Variants in OCA2 observed in about 807,000 individuals in gnomAD.
The protein encoded by OCA2 is OCA2 melanosomal transmembrane protein.
In OCA2, 77 loss-of-function variants were observed where a neutral mutation model predicts 100.2. The ratio of observed to expected loss-of-function variants is 0.77; its 90% CI spans 0.64 to 0.93. The LOEUF (loss-of-function observed/expected upper bound fraction) is 0.93. OCA2 is among the 40% of genes least tolerant of loss of function. The pLI is 0.00. For missense variants in OCA2, 1,062 were observed against 1,089.1 expected (o/e 0.98, Z 0.35); for synonymous variants, 432 against 439.2 (o/e 0.98, Z 0.21).
At chr15:28,086,073 C>T (rs1419177011) in intron 1 of OCA2, among the ~76,000 whole-genome samples, 2 of 152,222 alleles carry the variant, frequency 1.3e-5, no homozygotes, top group African/African-American at 4.8e-5. Context: ...TTTGGACATT[C>T]ACCGTTGCTG....
At chr15:28,028,754 C>T (rs2042829787) in intron 3 of OCA2, among the ~76,000 whole-genome samples, 1 of 152,144 alleles carries the variant, frequency 6.6e-6, no homozygotes, top group South Asian at 2.1e-4. Context: ...GGCGCAATTT[C>T]AGCTCACTGC....
rs994222744 is a variant in OCA2, at chr15:27,860,610, G to C, written c.2245-9135C>G. Among the ~76,000 whole-genome samples, 6 of 152,200 alleles carry C rather than the reference G, an allele frequency of 3.9e-5. 1 individual carries two copies. Among genetic ancestry groups the C allele is most frequent in the Admixed American group, 2.6e-4 (4 of 15,278 alleles). ...GATAATAACCACCAGGTCCATCCAT[G>C]TTGCTGCAAGGAACATGATCTCATT... is the stretch of plus-strand genomic sequence containing the variant. On this transcript the variant is annotated intron_variant, in intron 21 of 23. Coordinates refer to ENST00000354638, the MANE Select transcript of OCA2 (RefSeq NM_000275.3).
At chr15:28,018,027 G>GT (rs1299458297) in intron 7 of OCA2, among the ~76,000 whole-genome samples, 1 of 151,640 alleles carries the variant, frequency 6.6e-6, no homozygotes, top group Non-Finnish European at 1.5e-5. Context: ...CACAAACACA[G>GT]TAACCGTGCT....
intron 19 of OCA2, among the ~76,000 whole-genome samples, chr15:27,877,404 C>G (rs2036835539): frequency 6.6e-6 from 1 of 151,668 alleles, no homozygotes; most frequent in South Asian, 2.1e-4. Context: ...TCTAGGTGTT[C>G]TATCAATTTC....
At chr15:27,916,898 T>A (rs1249121653) in intron 19 of OCA2, among the ~76,000 whole-genome samples, 1 of 152,144 alleles carries the variant, frequency 6.6e-6, no homozygotes, top group African/African-American at 2.4e-5. Context: ...GCTGGAGAAC[T>A]CAGGTCCAAA....
intron 15 of OCA2, among the ~76,000 whole-genome samples, chr15:27,964,152 A>C (rs1193170776): frequency 1.3e-5 from 2 of 152,236 alleles, no homozygotes; most frequent in Non-Finnish European, 2.9e-5. Flanking sequence ...ATAAATGTCC[A>C]AATAAACATT....
chr15:28,071,263 CAG>C (rs2044252328), intron 2 of OCA2, among the ~76,000 whole-genome samples: 1 of 151,004 alleles, frequency 6.6e-6, no homozygotes, highest in Non-Finnish European at 1.5e-5. Context: ...TGAAAGAAAT[CAG>C]AGGTGACGCA....
At chr15:27,835,738 C>A (rs1567006988) in intron 23 of OCA2, among the ~76,000 whole-genome samples, 1 of 152,162 alleles carries the variant, frequency 6.6e-6, no homozygotes, top group Non-Finnish European at 1.5e-5. Context: ...TCATCATCAC[C>A]CCCGTCAGTG....
rs1255200335 is a variant in OCA2, at chr15:27,755,196, G to A, written c.*192C>T. 1.3e-5 allele frequency: 8 copies of A among 593,904 alleles called. No individual in the cohort carries two copies. Among genetic ancestry groups the A allele is most frequent in the African/African-American group, 1.1e-4 (6 of 54,466 alleles). The allele number at this position is 593,904 out of a possible 1,614,324, so 36.8% of individuals were successfully genotyped here. Reference sequence around the variant, plus strand: ...TGTCCTTGGGGAGAAAGGACACACAGAGGAGGTCATGGTGTTCCAACATTC... The same window carrying A: ...TGTCCTTGGGGAGAAAGGACACACAAAGGAGGTCATGGTGTTCCAACATTC... On this transcript the variant is annotated 3_prime_UTR_variant, in exon 24 of 24. Coordinates refer to ENST00000354638, the MANE Select transcript of OCA2 (RefSeq NM_000275.3).
chr15:27,776,265 G>T (rs2151068749), intron 23 of OCA2, among the ~76,000 whole-genome samples: 1 of 152,224 alleles, frequency 6.6e-6, no homozygotes, highest in Non-Finnish European at 1.5e-5. Context: ...CTGCCTCTTT[G>T]TCTCAGAAGC....
At chr15:28,098,945 A>AC (rs926728278) in intron 1 of OCA2, among the ~76,000 whole-genome samples, 1 of 151,852 alleles carries the variant, frequency 6.6e-6, no homozygotes, top group Non-Finnish European at 1.5e-5. Context: ...AACTCCCCCC[A>AC]CCCATGACCT....
intron 23 of OCA2, among the ~76,000 whole-genome samples, chr15:27,809,743 C>T (rs369530225): frequency 3.3e-5 from 5 of 152,232 alleles, no homozygotes; most frequent in East Asian, 3.9e-4. Context: ...AGAATCAAAT[C>T]AAGAACTCAA....
chr15:27,835,879 G>A (rs2035131335), intron 23 of OCA2, among the ~76,000 whole-genome samples: 2 of 152,192 alleles, frequency 1.3e-5, no homozygotes, highest in South Asian at 4.1e-4. Flanking sequence ...GTGGGGCATT[G>A]CTTCCTGAAA....
chr15:28,029,944 G>C (rs889227977), intron 3 of OCA2, among the ~76,000 whole-genome samples: 14 of 152,150 alleles, frequency 9.2e-5, no homozygotes, highest in Non-Finnish European at 2.1e-4. Flanking sequence ...GGCCCAGCTC[G>C]GCCTCCCAGG....
intron 21 of OCA2, among the ~76,000 whole-genome samples, chr15:27,870,723 AGAAG>A (rs1427488611): frequency 4.0e-4 from 28 of 70,596 alleles, no homozygotes; most frequent in African/African-American, 8.4e-4. Context: ...AAGGAAGGAA[AGAAG>A]GAAGGAAGGG....
At chr15:27,869,794 T>G (rs967066799) in intron 21 of OCA2, among the ~76,000 whole-genome samples, 4 of 152,150 alleles carry the variant, frequency 2.6e-5, no homozygotes, top group African/African-American at 7.2e-5. Context: ...GAGAACAGGA[T>G]GAATGCACAG....
intron 14 of OCA2, among the ~76,000 whole-genome samples, chr15:27,977,191 T>C (rs558981692): frequency 6.6e-6 from 1 of 152,312 alleles, no homozygotes; most frequent in East Asian, 1.9e-4. Context: ...ATCAATATTA[T>C]TGATCTTGTC....
At chr15:28,089,594 C>T (rs2044838280) in intron 1 of OCA2, among the ~76,000 whole-genome samples, 1 of 152,168 alleles carries the variant, frequency 6.6e-6, no homozygotes, top group South Asian at 2.1e-4. Flanking sequence ...GTTCAATTTA[C>T]CCATAGCCCT....
chr15:27,805,692 G>A (rs1376727559), intron 23 of OCA2, among the ~76,000 whole-genome samples: 2 of 152,176 alleles, frequency 1.3e-5, no homozygotes, highest in Non-Finnish European at 2.9e-5. Context: ...GGGTGGCAGG[G>A]GAGCCCTGGA....
Sources: allele counts gnomAD v4.1 joint callset (sites outside exome capture counted in the v4.1 genomes callset), GRCh38; gene constraint gnomAD v4.1.1; transcripts MANE v1.5; gene names NCBI Gene and HGNC (gene_info 2026-07-23, HGNC 2026-07-21).